LY86: variants seen among roughly 807,000 people sequenced by gnomAD.
LY86 encodes MD-1, RP105-associated.
In LY86, 20 loss-of-function variants were observed where a neutral mutation model predicts 17.3. That is an observed-to-expected ratio of 1.15 (90% confidence interval 0.81 to 1.68). LY86 has a LOEUF of 1.68. Ranked by LOEUF, LY86 falls within the 40% of genes most tolerant of loss-of-function variation. LY86 has a pLI of 0.00. For missense variants in LY86, 200 were observed against 191.9 expected, an observed-to-expected ratio of 1.04 and a Z score of -0.25; for synonymous variants, 74 against 70.6, an observed-to-expected ratio of 1.05 and a Z score of -0.24.
At chr6:6,593,193 CCTTT>C (rs1443133585) in intron 1 of LY86, among the ~76,000 whole-genome samples, 2 of 152,238 alleles carry the variant, frequency 1.3e-5, no homozygotes, top group African/African-American at 4.8e-5. Context: ...GGGGAGAATC[CCTTT>C]CTTTTCTTTT....
At chr6:6,607,055 G>A (rs1368726830) in intron 1 of LY86, among the ~76,000 whole-genome samples, 1 of 152,274 alleles carries the variant, frequency 6.6e-6, no homozygotes, top group Non-Finnish European at 1.5e-5. Context: ...GTGAACACTA[G>A]GAGGGGGTCC....
At chr6:6,633,530 C>T (rs770477926) in intron 3 of LY86, among the ~76,000 whole-genome samples, 1 of 152,096 alleles carries the variant, frequency 6.6e-6, no homozygotes, top group African/African-American at 2.4e-5. Flanking sequence ...CATGATAACA[C>T]CTAAGTATTA....
intron 3 of LY86, among the ~76,000 whole-genome samples, chr6:6,629,511 G>T (rs1311728417): frequency 6.6e-6 from 1 of 152,228 alleles, no homozygotes; most frequent in Non-Finnish European, 1.5e-5. Context: ...GGGCTTGCAG[G>T]TCCTTCTTAG....
intron 1 of LY86, among the ~76,000 whole-genome samples, chr6:6,605,030 G>A (rs1049563103): frequency 1.5e-5 from 2 of 132,942 alleles, no homozygotes; most frequent in Non-Finnish European, 3.3e-5. Context: ...AAAGACTTTG[G>A]AGAAAAAAAA....
chr6:6,605,556 C>T (rs910773643), intron 1 of LY86, among the ~76,000 whole-genome samples: 2 of 152,274 alleles, frequency 1.3e-5, no homozygotes, highest in Admixed American at 6.5e-5. Context: ...CAACGTGCTT[C>T]CCACGGAGTG....
chr6:6,609,909 C>T (rs1270076002), intron 1 of LY86, among the ~76,000 whole-genome samples: 1 of 151,786 alleles, frequency 6.6e-6, no homozygotes, highest in Non-Finnish European at 1.5e-5. Context: ...AGATTGGCTA[C>T]AGGGCCCTGA....
At chr6:6,637,704 G>GC (rs927367208) in intron 3 of LY86, among the ~76,000 whole-genome samples, 18 of 152,162 alleles carry the variant, frequency 1.2e-4, no homozygotes, top group Admixed American at 5.9e-4. Flanking sequence ...TGAGCCCGGA[G>GC]CCCCCCAGTG....
chr6:6,604,350 ACTC>A (rs1240740384), intron 1 of LY86, among the ~76,000 whole-genome samples: 4 of 152,238 alleles, frequency 2.6e-5, no homozygotes, highest in Non-Finnish European at 4.4e-5. Flanking sequence ...AATTAAAAAA[ACTC>A]AAAACATGAG....
intron 1 of LY86, among the ~76,000 whole-genome samples, chr6:6,615,778 G>C (rs1368997569): frequency 6.7e-6 from 1 of 149,914 alleles, no homozygotes; most frequent in Admixed American, 6.6e-5. Flanking sequence ...TGTAGTCCTA[G>C]CAGTTTGGGA....
At chr6:6,605,969 A>C (rs4959392) in intron 1 of LY86, among the ~76,000 whole-genome samples, 6 of 149,412 alleles carry the variant, frequency 4.0e-5, no homozygotes, top group Admixed American at 6.6e-5. Flanking sequence ...GCGTGGACCC[A>C]AAGAGCGACC....
intron 4 of LY86, among the ~76,000 whole-genome samples, chr6:6,654,245 A>C (rs1762228025): frequency 6.6e-6 from 1 of 152,168 alleles, no homozygotes. Flanking sequence ...CCCTGCTCAA[A>C]ATTGCAGACC....
intron 2 of LY86, among the ~76,000 whole-genome samples, chr6:6,626,091 T>C (rs1480688056): frequency 2.6e-5 from 4 of 152,214 alleles, no homozygotes; most frequent in African/African-American, 9.7e-5. Context: ...AACAGCCACC[T>C]TTCATACGCA....
At chr6:6,639,079 T>C (rs1762002072) in intron 3 of LY86, among the ~76,000 whole-genome samples, 1 of 152,198 alleles carries the variant, frequency 6.6e-6, no homozygotes, top group East Asian at 1.9e-4. Context: ...ATATACACCA[T>C]GGAATACTAT....
chr6:6,590,118 TA>T (rs34637229), intron 1 of LY86, among the ~76,000 whole-genome samples: 7,711 of 80,350 alleles, frequency 0.096, 339 homozygotes, highest in East Asian at 0.32. Context: ...AACTCTGTCT[TA>T]AAAAAAAAAA....
At chr6:6,595,525 C>A (rs1287118826) in intron 1 of LY86, among the ~76,000 whole-genome samples, 1 of 151,710 alleles carries the variant, frequency 6.6e-6, no homozygotes, top group African/African-American at 2.4e-5. Flanking sequence ...TGCCCCACCC[C>A]ACCCCAGCCC....
rs1382335650 is a variant in LY86, at chr6:6,589,839, C to CA, written c.136+970dup. On this transcript the variant is annotated intron_variant, in intron 1 of 4. Coordinates refer to ENST00000230568, the MANE Select transcript of LY86 (RefSeq NM_004271.4). ...ATCAGCTCTTTAAAGACCCTATCTC[C>CA]AGCAGGGCATGATGGCTCACACCTG... Among the ~76,000 whole-genome samples, 6 of 152,226 alleles carry CA rather than the reference C, an allele frequency of 3.9e-5. No individual in the cohort carries two copies. In the East Asian group the frequency reaches 9.6e-4, roughly 24 times the overall value.
At chr6:6,649,700 T>C (rs371845521) in intron 4 of LY86, 23 bp downstream of exon 4, 24 of 1,381,474 alleles carry the variant, frequency 1.7e-5, no homozygotes, top group Non-Finnish European at 2.3e-5. Context: ...TTACTTCTTG[T>C]ATTAAATAGT....
intron 1 of LY86, among the ~76,000 whole-genome samples, chr6:6,606,851 G>A (rs923372907): frequency 1.3e-5 from 2 of 152,254 alleles, no homozygotes; most frequent in African/African-American, 2.4e-5. Context: ...TCCGGCCTTG[G>A]CCAGCCCAGA....
intron 2 of LY86, 97 bp from the exon 3 acceptor site, chr6:6,626,196 A>G (rs1761783624): frequency 1.6e-6 from 2 of 1,254,880 alleles, no homozygotes; most frequent in Non-Finnish European, 1.1e-6. Context: ...TAATGGAAAC[A>G]AAAGGTTCTT....
Sources: allele counts gnomAD v4.1 joint callset (sites outside exome capture counted in the v4.1 genomes callset), GRCh38; gene constraint gnomAD v4.1.1; transcripts MANE v1.5; gene names NCBI Gene and HGNC (gene_info 2026-07-23, HGNC 2026-07-21).